NRXN3: variants seen among roughly 807,000 people sequenced by gnomAD.
The protein encoded by NRXN3 is neurexin 3.
NRXN3 carries 32 observed loss-of-function variants against 137.6 expected under a neutral mutation model. The ratio of observed to expected loss-of-function variants is 0.23; its 90% CI spans 0.18 to 0.31. NRXN3 has a LOEUF of 0.31. Among genes scored for constraint, NRXN3 ranks in the 10% least tolerant of loss-of-function variants. The pLI is 1.00. For missense variants in NRXN3, 1,574 were observed against 2,062.5 expected, an observed-to-expected ratio of 0.76 and a Z score of 4.59; for synonymous variants, 798 against 784.5, an observed-to-expected ratio of 1.02 and a Z score of -0.29.
chr14:79,465,798 A>C (rs1386078880), intron 15 of NRXN3, among the ~76,000 whole-genome samples: 7 of 152,274 alleles, frequency 4.6e-5, no homozygotes, highest in Admixed American at 3.3e-4. Flanking sequence ...TACACAAGAA[A>C]ATCTGTTACC....
At chr14:79,685,926 G>A (rs368204699) in intron 17 of NRXN3, among the ~76,000 whole-genome samples, 4 of 152,110 alleles carry the variant, frequency 2.6e-5, no homozygotes, top group African/African-American at 4.8e-5. Context: ...ATGAACATTC[G>A]GATAGCTGGA....
At chr14:79,067,944 G>A (rs937648) in intron 15 of NRXN3, among the ~76,000 whole-genome samples, 49,886 of 151,792 alleles carry the variant, frequency 0.33, 8,692 homozygotes, top group Admixed American at 0.46. Context: ...AGTATCAAGA[G>A]GATTATGAGA....
intron 15 of NRXN3, among the ~76,000 whole-genome samples, chr14:78,996,514 C>T (rs1438989907): frequency 6.6e-5 from 10 of 152,160 alleles, no homozygotes; most frequent in East Asian, 5.8e-4. Context: ...CAGAGCTTAA[C>T]GACTTTTGTT....
chr14:79,615,976 AG>A (rs1350571654), intron 16 of NRXN3, among the ~76,000 whole-genome samples: 1 of 152,168 alleles, frequency 6.6e-6, no homozygotes, highest in African/African-American at 2.4e-5. Context: ...ACAGCTAGTA[AG>A]TAAGAGAGCA....
intron 15 of NRXN3, among the ~76,000 whole-genome samples, chr14:79,051,097 A>G (rs2099641226): frequency 6.6e-6 from 1 of 152,140 alleles, no homozygotes; most frequent in Non-Finnish European, 1.5e-5. Flanking sequence ...GCCCCACATA[A>G]TGCAGTTTGC....
intron 15 of NRXN3, among the ~76,000 whole-genome samples, chr14:79,046,544 T>G (rs1190713643): frequency 6.6e-6 from 1 of 152,194 alleles, no homozygotes; most frequent in Admixed American, 6.5e-5. Flanking sequence ...AATCCCTCCC[T>G]GTATGCTTCT....
intron 11 of NRXN3, among the ~76,000 whole-genome samples, chr14:78,958,631 A>G (rs1281184506): frequency 6.6e-6 from 1 of 152,206 alleles, no homozygotes; most frequent in Non-Finnish European, 1.5e-5. Context: ...CTGGGATTAC[A>G]GGCGTGAGCC....
At chr14:79,189,349 A>G (rs1313981535) in intron 15 of NRXN3, among the ~76,000 whole-genome samples, 7 of 140,242 alleles carry the variant, frequency 5.0e-5, no homozygotes, top group African/African-American at 1.3e-4. Context: ...AGAACACATG[A>G]ACACAGGAAG....
intron 4 of NRXN3, among the ~76,000 whole-genome samples, chr14:78,465,680 A>G (rs554849207): frequency 3.1e-3 from 468 of 149,232 alleles, no homozygotes; most frequent in Non-Finnish European, 5.1e-3. Flanking sequence ...TGGGACAGGC[A>G]TGCACCACCA....
chr14:78,444,748 C>T (rs929012617), intron 4 of NRXN3, among the ~76,000 whole-genome samples: 6 of 151,472 alleles, frequency 4.0e-5, no homozygotes, highest in South Asian at 2.1e-4. Flanking sequence ...AGTGAAACTG[C>T]GTCTCTACTA....
chr14:79,523,183 T>A (rs7155392), intron 16 of NRXN3, among the ~76,000 whole-genome samples: 5,513 of 152,208 alleles, frequency 0.036, 312 homozygotes, highest in African/African-American at 0.12. Flanking sequence ...TTTTCCTGAT[T>A]TTTGGCCATC....
chr14:79,036,464 C>T (rs1284103328), intron 15 of NRXN3, among the ~76,000 whole-genome samples: 1 of 151,888 alleles, frequency 6.6e-6, no homozygotes, highest in Non-Finnish European at 1.5e-5. Flanking sequence ...GTTTTATTTC[C>T]TAGATGAGTT....
At chr14:79,260,614 C>G (rs1222033810) in intron 15 of NRXN3, among the ~76,000 whole-genome samples, 2 of 152,158 alleles carry the variant, frequency 1.3e-5, no homozygotes, top group African/African-American at 4.8e-5. Context: ...TGCCACATTA[C>G]AGAAATAGAA....
chr14:78,469,209 G>A (rs938493084), intron 4 of NRXN3, among the ~76,000 whole-genome samples: 4 of 152,156 alleles, frequency 2.6e-5, no homozygotes, highest in East Asian at 3.9e-4. Context: ...GAAATCTAAT[G>A]TATGGCAAAA....
intron 15 of NRXN3, among the ~76,000 whole-genome samples, chr14:79,222,286 T>C (rs2153233472): frequency 6.6e-6 from 1 of 152,332 alleles, no homozygotes; most frequent in Non-Finnish European, 1.5e-5. Context: ...TCTAATTCTG[T>C]GAAGAAATTC....
chr14:78,711,185 C>G (rs1302750815), intron 7 of NRXN3, among the ~76,000 whole-genome samples: 8 of 149,732 alleles, frequency 5.3e-5, no homozygotes, highest in Admixed American at 1.3e-4. Context: ...TTGTGTCTGA[C>G]TAACCTAGAC....
At chr14:79,647,113 A>G (rs1011490255) in intron 16 of NRXN3, among the ~76,000 whole-genome samples, 4 of 135,968 alleles carry the variant, frequency 2.9e-5, no homozygotes, top group African/African-American at 9.8e-5. Flanking sequence ...GGATTTCACA[A>G]TGAAGAGGGC....
intron 6 of NRXN3, among the ~76,000 whole-genome samples, chr14:78,678,999 G>T (rs1228345578): frequency 1.3e-5 from 2 of 152,032 alleles, no homozygotes; most frequent in Non-Finnish European, 2.9e-5. Context: ...AAAATGTCAG[G>T]ATAGATGAGA....
chr14:78,406,689 T>G (rs1295483582), intron 4 of NRXN3, among the ~76,000 whole-genome samples: 2 of 152,192 alleles, frequency 1.3e-5, no homozygotes, highest in African/African-American at 2.4e-5. Context: ...CTGATGTTCC[T>G]GGGAATAGAT....
Sources: allele counts gnomAD v4.1 joint callset (sites outside exome capture counted in the v4.1 genomes callset), GRCh38; gene constraint gnomAD v4.1.1; transcripts MANE v1.5; gene names NCBI Gene and HGNC (gene_info 2026-07-23, HGNC 2026-07-21).